RYR3: variants seen among roughly 807,000 people sequenced by gnomAD.
RYR3 encodes brain ryanodine receptor-calcium release channel.
Under a neutral mutation model 584.3 loss-of-function variants are expected in RYR3, and 207 were observed. That is an observed-to-expected ratio of 0.35 (90% confidence interval 0.32 to 0.40). The LOEUF (loss-of-function observed/expected upper bound fraction) is 0.40. RYR3 is among the 10% of genes least tolerant of loss of function. The pLI is 1.00. For missense variants in RYR3, 5,616 were observed against 6,089.2 expected (o/e 0.92, Z 2.59); for synonymous variants, 2,416 against 2,248.5 (o/e 1.07, Z -2.11).
intron 1 of RYR3, among the ~76,000 whole-genome samples, chr15:33,321,512 G>C (rs572639871): frequency 6.6e-6 from 1 of 152,250 alleles, no homozygotes; most frequent in South Asian, 2.1e-4. Context: ...CCCTGGTTGA[G>C]AGTAGGTGTG....
At chr15:33,420,669 A>AT (rs111358737) in intron 1 of RYR3, among the ~76,000 whole-genome samples, 31,519 of 150,802 alleles carry the variant, frequency 0.21, 3,405 homozygotes, top group East Asian at 0.34. Flanking sequence ...TTTTCCTTCG[A>AT]TTTTTTTTTT....
At chr15:33,519,092 C>T (rs528068125) in intron 3 of RYR3, among the ~76,000 whole-genome samples, 2 of 152,104 alleles carry the variant, frequency 1.3e-5, no homozygotes, top group African/African-American at 4.8e-5. Context: ...TTTCCCAGGC[C>T]CTGCAGCATC....
chr15:33,683,939 T>A (rs1351658116), intron 38 of RYR3, among the ~76,000 whole-genome samples: 1 of 152,206 alleles, frequency 6.6e-6, no homozygotes, highest in Non-Finnish European at 1.5e-5. Context: ...AAGAGGGGCG[T>A]CTGCCATTGC....
chr15:33,386,633 T>C (rs1422597459), intron 1 of RYR3, among the ~76,000 whole-genome samples: 1 of 152,156 alleles, frequency 6.6e-6, no homozygotes, highest in African/African-American at 2.4e-5. Context: ...CTCCACAACT[T>C]TTTCATCTTG....
At chr15:33,718,331 TCTCAATAAA>T (rs1343991678) in intron 43 of RYR3, among the ~76,000 whole-genome samples, 6 of 152,168 alleles carry the variant, frequency 3.9e-5, no homozygotes, top group African/African-American at 1.4e-4. Context: ...CTGCCTTGAG[TCTCAATAAA>T]GTCTATTGAC....
intron 1 of RYR3, among the ~76,000 whole-genome samples, chr15:33,383,314 G>A (rs2041335230): frequency 6.8e-6 from 1 of 146,640 alleles, no homozygotes; most frequent in Admixed American, 6.9e-5. Context: ...TTGCCGTCAT[G>A]AGAGAGGAAA....
chr15:33,850,504 G>C (rs190597233), intron 94 of RYR3: 1 of 152,046 alleles, frequency 6.6e-6, no homozygotes, highest in Non-Finnish European at 1.5e-5. Context: ...TGGCTTAAAC[G>C]TCCATGAGTA....
intron 2 of RYR3, among the ~76,000 whole-genome samples, chr15:33,475,278 C>T (rs568759068): frequency 1.3e-5 from 2 of 152,292 alleles, no homozygotes; most frequent in South Asian, 4.1e-4. Flanking sequence ...CTTTTCTAGT[C>T]ATCCATCGAG....
chr15:33,777,647 C>G (rs1371564413), intron 64 of RYR3, among the ~76,000 whole-genome samples: 1 of 152,024 alleles, frequency 6.6e-6, no homozygotes, highest in East Asian at 1.9e-4. Context: ...GAGGGCAGGG[C>G]CAGTCCCCTG....
intron 100 of RYR3, 98 bp from the exon 101 acceptor site, chr15:33,860,497 T>C: frequency 3.0e-6 from 1 of 333,604 alleles, no homozygotes; most frequent in Non-Finnish European, 5.1e-6. Context: ...GATAATTCAC[T>C]TTTTTTTTTT....
At chr15:33,359,289 A>T (rs1324813989) in intron 1 of RYR3, among the ~76,000 whole-genome samples, 2 of 152,206 alleles carry the variant, frequency 1.3e-5, no homozygotes, top group African/African-American at 4.8e-5. Context: ...GCCTCTACTC[A>T]CTTTCCAGCG....
At chr15:33,843,706 C>G (rs2078528127) in intron 92 of RYR3, 132 bp downstream of exon 92, 1 of 639,598 alleles carries the variant, frequency 1.6e-6, no homozygotes, top group Non-Finnish European at 2.7e-6. Context: ...ATTTCTAAGA[C>G]ATTGGCTTCT....
intron 28 of RYR3, 97 bp from the exon 29 acceptor site, chr15:33,646,253 CA>C: frequency 9.7e-7 from 1 of 1,033,104 alleles, no homozygotes; most frequent in Non-Finnish European, 1.4e-6. Flanking sequence ...CTGTAGTTCA[CA>C]GAATGCCTTG....
chr15:33,827,307 A>G lies in RYR3; in HGVS notation c.11334+20A>G. The G allele has an allele frequency of 1.9e-6, 3 of 1,544,364 alleles. No homozygotes were observed. The highest frequency in any genetic ancestry group is 8.8e-7 in the Non-Finnish European group (1 of 1,140,292). On this transcript the variant is annotated intron_variant, in intron 85 of 103. Transcript: ENST00000634891. ...CTGCAGGTGAGTGGGAGGGCCTTGG[A>G]CAATGGGACCTCTCACCTTTGCTTC...
chr15:33,550,272 A>C lies in RYR3; in HGVS notation c.928A>C (p.Lys310Gln). The change falls in exon 10 of 104, where the codon AAG becomes CAG. Residue 310 changes from lysine (K) to glutamine (Q), a missense_variant. Lys to Gln is a moderately conservative substitution (Grantham distance 53). Coordinates refer to ENST00000634891, the MANE Select transcript of RYR3 (RefSeq NM_001036.6). ...AGGCCTTATACTGCAAGACCGGGCA[A>C]AGTCAGACACCAAGTCCACAGCTTT... ...DQGLILQDRAKSDTKSTAFSF... is the reference protein window; with the variant it reads ...DQGLILQDRAQSDTKSTAFSF... 1.2e-6 allele frequency: 2 copies of C among 1,613,622 alleles called. No homozygotes were observed. Among genetic ancestry groups the C allele is most frequent in the Non-Finnish European group, 1.7e-6 (2 of 1,179,730 alleles).
chr15:33,430,218 C>T (rs1373772122), intron 1 of RYR3, among the ~76,000 whole-genome samples: 1 of 152,248 alleles, frequency 6.6e-6, no homozygotes, highest in East Asian at 1.9e-4. Flanking sequence ...GCATTTATTG[C>T]ACAATGCCAA....
chr15:33,575,106 C>T (rs923830292), intron 12 of RYR3, among the ~76,000 whole-genome samples: 10 of 152,082 alleles, frequency 6.6e-5, no homozygotes, highest in Non-Finnish European at 1.2e-4. Context: ...GTACCTAATA[C>T]AGGGGCACCC....
chr15:33,720,995 C>T (rs1296740808), intron 43 of RYR3, among the ~76,000 whole-genome samples: 2 of 152,174 alleles, frequency 1.3e-5, no homozygotes, highest in African/African-American at 4.8e-5. Flanking sequence ...GATGCTCCTC[C>T]CTCCAAAATA....
At position 33,732,380 on chromosome 15, in the gene RYR3, T is replaced by C. The variant is rs745688536; in HGVS notation, c.7424+686T>C. 5.2e-3 allele frequency among the ~76,000 whole-genome samples: 469 copies of C among 89,364 alleles called. 1 individual carries two copies. The highest frequency in any genetic ancestry group is 8.0e-3 in the Non-Finnish European group (359 of 44,856). 58.6% of individuals were successfully genotyped at this position (89,364 alleles called of 152,430 possible). On this transcript the variant is annotated intron_variant, in intron 48 of 103. Coordinates refer to ENST00000634891, the MANE Select transcript of RYR3 (RefSeq NM_001036.6). Reference sequence around the variant, plus strand: ...TCCAGCCTGGGCGACAGAGCAAGACTCCATCTCAAAAAAAAAAAAAAAGCG... The same window carrying C: ...TCCAGCCTGGGCGACAGAGCAAGACCCCATCTCAAAAAAAAAAAAAAAGCG...
Sources: gnomAD v4.1 joint callset for allele counts (sites outside exome capture counted in the v4.1 genomes callset) on GRCh38, gnomAD v4.1.1 for gene constraint, MANE v1.5 for transcripts, NCBI Gene and HGNC (gene_info 2026-07-23, HGNC 2026-07-21) for gene names.